CIMIP2C: variants seen among roughly 807,000 people sequenced by gnomAD.
CIMIP2C encodes the protein ciliary microtubule inner protein 2C, also known as UPF0573 protein C2orf70.
the CIMIP2C span, among the ~76,000 whole-genome samples, chr2:26,564,735 ACAGCCAGTCTCTTCTGACACTCACAT>A: frequency 6.6e-6 from 1 of 152,224 alleles, no homozygotes; most frequent in African/African-American, 2.4e-5. Context: ...ATTTTAAAGC[ACAGCCAGTCTCTTCTGACACTCACAT>A]CACCCTGCTC....
chr2:26,574,916 AC>A, the CIMIP2C span, among the ~76,000 whole-genome samples: 1 of 152,142 alleles, frequency 6.6e-6, no homozygotes, highest in Non-Finnish European at 1.5e-5. Context: ...CAGAAGTCAG[AC>A]CCCAGAGAGT....
the CIMIP2C span, among the ~76,000 whole-genome samples, chr2:26,564,470 A>G: frequency 6.6e-6 from 1 of 152,198 alleles, no homozygotes; most frequent in South Asian, 2.1e-4. Context: ...TAAGAGGATC[A>G]TGAATGAGGC....
chr2:26,578,580 G>A, the CIMIP2C span: 2 of 319,886 alleles, frequency 6.3e-6, no homozygotes, highest in Admixed American at 4.1e-5. Context: ...TGGAAAGGAA[G>A]CAGCATCTCC....
chr2:26,578,387 C>T, the CIMIP2C span: 1 of 206,912 alleles, frequency 4.8e-6, no homozygotes, highest in African/African-American at 2.3e-5. Flanking sequence ...TCACCATCAT[C>T]CTTACTGATA....
chr2:26,562,661 T>G, the CIMIP2C span: 1 of 1,582,990 alleles, frequency 6.3e-7, no homozygotes, highest in Non-Finnish European at 8.6e-7. Context: ...CAATGCCGCC[T>G]ACGTGCCCCC....
chr2:26,578,949 T>C, the CIMIP2C span: 1 of 484,826 alleles, frequency 2.1e-6, no homozygotes, highest in Middle Eastern at 3.1e-4. Flanking sequence ...GTTTACTCCT[T>C]GTCCAGAGCT....
chr2:26,575,884 C>T, the CIMIP2C span: 1 of 1,609,480 alleles, frequency 6.2e-7, no homozygotes, highest in South Asian at 1.1e-5. Context: ...GCTCCACCAC[C>T]CCCACCGTGA....
chr2:26,565,252 G>A, the CIMIP2C span, among the ~76,000 whole-genome samples: 5 of 152,178 alleles, frequency 3.3e-5, no homozygotes, highest in African/African-American at 9.6e-5. Context: ...CACCACAGCC[G>A]GCTAATTTTT....
chr2:26,572,362 T>TTA, the CIMIP2C span, among the ~76,000 whole-genome samples: 1 of 152,004 alleles, frequency 6.6e-6, no homozygotes. Context: ...TTTTTTTTTT[T>TTA]TTCTCTTGAA....
At chr2:26,564,121 A>C in the CIMIP2C span, among the ~76,000 whole-genome samples, 1 of 152,264 alleles carries the variant, frequency 6.6e-6, no homozygotes, top group Non-Finnish European at 1.5e-5. Context: ...GTAAACACAT[A>C]AGGTTTAGTT....
the CIMIP2C span, chr2:26,578,973 T>C: frequency 2.5e-3 from 1,255 of 492,630 alleles, 10 homozygotes; most frequent in African/African-American, 0.023. Flanking sequence ...CATGCATTAC[T>C]GCATTTATTC....
chr2:26,565,413 A>T, the CIMIP2C span, among the ~76,000 whole-genome samples: 1 of 152,040 alleles, frequency 6.6e-6, no homozygotes, highest in South Asian at 2.1e-4. Context: ...TAAAATCATC[A>T]CAATAACCCA....
the CIMIP2C span, among the ~76,000 whole-genome samples, chr2:26,575,320 C>T: frequency 2.6e-5 from 4 of 152,230 alleles, no homozygotes; most frequent in Non-Finnish European, 5.9e-5. Context: ...GTTCACTGAC[C>T]GGGCCCCCCA....
chr2:26,572,687 G>A, the CIMIP2C span, among the ~76,000 whole-genome samples: 1 of 152,210 alleles, frequency 6.6e-6, no homozygotes, highest in Non-Finnish European at 1.5e-5. Flanking sequence ...TAGAGAATGG[G>A]GTGAACACAG....
At chr2:26,572,036 A>G in the CIMIP2C span, 3 of 1,279,890 alleles carry the variant, frequency 2.3e-6, no homozygotes, top group South Asian at 3.2e-5. Flanking sequence ...CCACTATAGG[A>G]GAGAGAGAGA....
chr2:26,572,264 C>T, the CIMIP2C span: 2 of 1,072,040 alleles, frequency 1.9e-6, no homozygotes, highest in East Asian at 3.0e-5. Flanking sequence ...TAGCATTCAC[C>T]TAGTTGCTAT....
the CIMIP2C span, among the ~76,000 whole-genome samples, chr2:26,566,263 T>C: frequency 6.6e-6 from 1 of 152,320 alleles, no homozygotes; most frequent in East Asian, 1.9e-4. Flanking sequence ...TCTCTCTGTC[T>C]GCCTGGGGTG....
the CIMIP2C span, chr2:26,576,044 ATCT>A: frequency 6.2e-7 from 1 of 1,614,092 alleles, no homozygotes; most frequent in Non-Finnish European, 8.5e-7. Context: ...TTTCCCCACC[ATCT>A]TCTCCACCAA....
the CIMIP2C span, among the ~76,000 whole-genome samples, chr2:26,570,252 A>G: frequency 6.6e-6 from 1 of 152,212 alleles, no homozygotes; most frequent in Non-Finnish European, 1.5e-5. Flanking sequence ...ACGAGAACAC[A>G]TCATTTTTCT....
Sources: allele counts gnomAD v4.1 joint callset (sites outside exome capture counted in the v4.1 genomes callset), GRCh38; gene constraint gnomAD v4.1.1; transcripts MANE v1.5; gene names NCBI Gene and HGNC (gene_info 2026-07-23, HGNC 2026-07-21).